The following XCL1 variants were observed in gnomAD, a reference collection of about 807,000 sequenced individuals.
XCL1 encodes the protein lymphotactin.
Under a neutral mutation model 7.4 loss-of-function variants are expected in XCL1, and 6 were observed. The ratio of observed to expected loss-of-function variants is 0.82; its 90% CI spans 0.45 to 1.61. XCL1 has a LOEUF of 1.61. XCL1 is among the 40% of genes most tolerant of loss of function. The probability of loss-of-function intolerance (pLI) is 0.01; values close to 1 mark genes in which losing one functional copy is unlikely to be tolerated. For missense variants in XCL1, 122 were observed against 138.2 expected (o/e 0.88, Z 0.59); for synonymous variants, 48 against 52.4 (o/e 0.92, Z 0.36).
intron 1 of XCL1, among the ~76,000 whole-genome samples, chr1:168,578,070 C>T (rs548895363): frequency 2.0e-5 from 3 of 152,306 alleles, no homozygotes; most frequent in Non-Finnish European, 4.4e-5. Flanking sequence ...ACTTCAGATA[C>T]TTCACAGAGA....
chr1:168,579,326 A>C (rs575949606), intron 1 of XCL1: 103 of 223,776 alleles, frequency 4.6e-4, no homozygotes, highest in African/African-American at 2.3e-3. Context: ...TGCCTAAGAA[A>C]ACTCTTAGGC....
chr1:168,577,760 A>G (rs780627104), intron 1 of XCL1, among the ~76,000 whole-genome samples: 1 of 152,164 alleles, frequency 6.6e-6, no homozygotes, highest in East Asian at 1.9e-4. Context: ...CAATGGGCAT[A>G]CCATTTGAGG....
At position 168,581,190 on chromosome 1, in the gene XCL1, G is replaced by A. The variant is rs745736835; in HGVS notation, c.315G>A (p.Ser105=). The A allele has an allele frequency of 2.4e-5, 39 of 1,613,560 alleles. No homozygotes were observed. In the East Asian group the frequency reaches 3.8e-4, roughly 16 times the overall value. ...CCAAGCCAACAGGAACCCAGCAATCGACCAATACAGCTGTGACTCTGACTG... is the reference window on the plus strand; with the variant it reads ...CCAAGCCAACAGGAACCCAGCAATCAACCAATACAGCTGTGACTCTGACTG... ...IQTKPTGTQQ[S]TNTAVTLTG Residue 105 remains serine, a synonymous_variant, in exon 3 of 3, where the codon TCG becomes TCA. Coordinates refer to ENST00000367818, the MANE Select transcript of XCL1 (RefSeq NM_002995.3).
In XCL1 at chr1:168,576,784, G is replaced by A. The variant is rs560518119; in HGVS notation, c.61+86G>A. 27 of 1,586,178 alleles carry A rather than the reference G, an allele frequency of 1.7e-5. No homozygotes were observed. In the African/African-American group the frequency reaches 2.2e-4, roughly 13 times the overall value. On this transcript the variant is annotated intron_variant, in intron 1 of 2. Transcript: ENST00000367818. ...TTTGGGTTTGACTCAGGTTATGACT[G>A]GACTAACCTGCTTTCCCCAGGGGAG...
Position 168,581,426 on chromosome 1 carries a change from A to G in XCL1, c.*206A>G, listed in dbSNP as rs1056571607. 1.3e-5 allele frequency: 7 copies of G among 530,314 alleles called. No individual in the cohort carries two copies. The African/African-American group carries it at 1.4e-4, about 11-fold the overall frequency. The allele number at this position is 530,314 out of a possible 1,614,324, so 32.9% of individuals were successfully genotyped here. On this transcript the variant is annotated 3_prime_UTR_variant, in exon 3 of 3. Coordinates refer to ENST00000367818, the MANE Select transcript of XCL1 (RefSeq NM_002995.3). ...TTAAGAATAGTTCCCTAGTCTATTC[A>G]TTATATTTAGGGAAAGGTAGTGTAT... is the stretch of plus-strand genomic sequence containing the variant.
Position 168,580,159 on chromosome 1 carries a change from G to C in XCL1, c.158G>C (p.Gly53Ala), listed in dbSNP as rs772431103. Reference sequence around the variant, plus strand: ...ATCAAGACCTACACCATCACGGAAGGCTCCTTGAGAGCAGTAATGTGAGTC... The same window carrying C: ...ATCAAGACCTACACCATCACGGAAGCCTCCTTGAGAGCAGTAATGTGAGTC... The part of the protein sequence containing the change: ...SRIKTYTITE[G>A]SLRAVIFITK... Residue 53 changes from glycine to alanine, a missense_variant, in exon 2 of 3, where the codon GGC becomes GCC. Gly to Ala is a moderately conservative substitution (Grantham distance 60). Transcript: ENST00000367818. 3.1e-6 allele frequency: 5 copies of C among 1,613,858 alleles called. No homozygotes were observed. The highest frequency in any genetic ancestry group is 4.2e-6 in the Non-Finnish European group (5 of 1,179,810).
rs1655155783 is a variant in XCL1, at chr1:168,581,103, G to T, written c.228G>T (p.Trp76Cys). Residue 76 changes from tryptophan to cysteine, a missense_variant, in exon 3 of 3, where the codon TGG becomes TGT. By Grantham distance (215) the Trp-to-Cys change is radical (BLOSUM62 -2). Coordinates refer to ENST00000367818, the MANE Select transcript of XCL1 (RefSeq NM_002995.3). ...LKVCADPQAT[W>C]VRDVVRSMDR... is the part of the protein sequence containing the mutation. ...TCTGTGCTGATCCACAAGCCACATG[G>T]GTGAGAGACGTGGTCAGGAGCATGG... The T allele has an allele frequency of 6.2e-7, 1 of 1,613,792 alleles. No homozygotes were observed. The highest frequency in any genetic ancestry group is 8.5e-7 in the Non-Finnish European group (1 of 1,179,782).
chr1:168,578,595 TA>T (rs1432424058), intron 1 of XCL1: 1 of 200,418 alleles, frequency 5.0e-6, no homozygotes, highest in Non-Finnish European at 9.9e-6. Context: ...TACCATTTAT[TA>T]ATTTTTTGGA....
Position 168,577,310 on chromosome 1 carries a change from C to T in XCL1, c.61+612C>T, listed in dbSNP as rs150678647. 6.8e-4 allele frequency among the ~76,000 whole-genome samples: 104 copies of T among 152,142 alleles called. 1 individual carries two copies. Among genetic ancestry groups the T allele is most frequent in the Non-Finnish European group, 9.0e-4 (61 of 68,008 alleles). ...AGAAAATCAATATTACCTTCAAGTA[C>T]GTGGGGGACTCTGTTAGTAATGCCA... On this transcript the variant is annotated intron_variant, in intron 1 of 2. Coordinates refer to ENST00000367818, the MANE Select transcript of XCL1 (RefSeq NM_002995.3).
chr1:168,579,902 C>T (rs180829784), intron 1 of XCL1, among the ~76,000 whole-genome samples, 161 bp from the exon 2 acceptor site: 155 of 152,252 alleles, frequency 1.0e-3, no homozygotes, highest in African/African-American at 3.3e-3. Context: ...GAATCTGTGA[C>T]GGGCAAGAGA....
In XCL1 at chr1:168,581,489, A is replaced by T. The variant is rs1376443784; in HGVS notation, c.*269A>T. ...ATTTCTGACCTTGTACCTCTCTTTGATGGTAACCATAATGGAAGAGATTCT... is the reference window on the plus strand; with the variant it reads ...ATTTCTGACCTTGTACCTCTCTTTGTTGGTAACCATAATGGAAGAGATTCT... On this transcript the variant is annotated 3_prime_UTR_variant, in exon 3 of 3. Transcript: ENST00000367818. 2 of 262,302 alleles carry T rather than the reference A, an allele frequency of 7.6e-6. No individual in the cohort carries two copies. The highest frequency in any genetic ancestry group is 1.0e-4 in the Admixed American group (2 of 20,008). 16.2% of individuals were successfully genotyped at this position (262,302 alleles called of 1,614,324 possible). A position where few individuals can be genotyped will look rare whatever the true frequency, so the allele number is the denominator to read the frequency against.
chr1:168,581,943 T>TA lies in XCL1; in HGVS notation c.*723_*724insA, dbSNP rs1278573868. The TA allele has an allele frequency of 6.6e-6, 1 of 152,240 alleles. No individual in the cohort carries two copies. The highest frequency in any genetic ancestry group is 1.5e-5 in the Non-Finnish European group (1 of 68,038). The allele number at this position is 152,240 out of a possible 1,614,324, so 9.4% of individuals were successfully genotyped here. A position where few individuals can be genotyped will look rare whatever the true frequency, so the allele number is the denominator to read the frequency against. On this transcript the variant is annotated 3_prime_UTR_variant, in exon 3 of 3. Transcript: ENST00000367818. ...ATTTCTGTATTTGCCATTACGCTAG[T>TA]TATCATGCATGTTATGCTTTACTGC...
rs201193121 is a variant in XCL1 at position 168,581,082 on chromosome 1, T to C, written c.207T>C (p.Cys69=). ...TTACCAAACGTGGCCTAAAAGTCTG[T>C]GCTGATCCACAAGCCACATGGGTGA... The part of the protein sequence containing the change: ...IFITKRGLKV[C]ADPQATWVRD... Residue 69 remains cysteine (C), a synonymous_variant, in exon 3 of 3, where the codon TGT becomes TGC. Coordinates refer to ENST00000367818, the MANE Select transcript of XCL1 (RefSeq NM_002995.3). The C allele has an allele frequency of 1.2e-6, 2 of 1,613,792 alleles. No homozygotes were observed. The highest frequency in any genetic ancestry group is 1.7e-6 in the Non-Finnish European group (2 of 1,179,758).
intron 2 of XCL1, 112 bp from the exon 3 acceptor site, chr1:168,580,940 T>A (rs1351133635): frequency 1.2e-5 from 17 of 1,395,664 alleles, no homozygotes; most frequent in Non-Finnish European, 1.5e-5. Flanking sequence ...GAAAGACTAT[T>A]TCTTGCAGTA....
chr1:168,577,679 A>G (rs929750829), intron 1 of XCL1, among the ~76,000 whole-genome samples: 10 of 152,202 alleles, frequency 6.6e-5, no homozygotes, highest in Non-Finnish European at 1.0e-4. Context: ...ACAAAAAAAT[A>G]CTGATGAAAC....
At chr1:168,581,025 T>C in intron 2 of XCL1, 27 bp from the exon 3 acceptor site, 1 of 1,610,404 alleles carries the variant, frequency 6.2e-7, no homozygotes, top group Middle Eastern at 1.7e-4. Flanking sequence ...TGTGGCTAAC[T>C]TCGTCTGTCT....
chr1:168,577,335 A>G (rs1042636880), intron 1 of XCL1, among the ~76,000 whole-genome samples: 1 of 152,186 alleles, frequency 6.6e-6, no homozygotes, highest in Non-Finnish European at 1.5e-5. Context: ...TAGTAATGCC[A>G]TGACTATTAC....
chr1:168,578,464 G>A (rs1414697246), intron 1 of XCL1, among the ~76,000 whole-genome samples: 2 of 152,092 alleles, frequency 1.3e-5, no homozygotes, highest in African/African-American at 2.4e-5. Context: ...ATTCTCCCAA[G>A]TTATTTTTCC....
chr1:168,580,582 C>A (rs1156268321), intron 2 of XCL1, among the ~76,000 whole-genome samples: 1 of 152,096 alleles, frequency 6.6e-6, no homozygotes, highest in African/African-American at 2.4e-5. Context: ...GAAAATGAGT[C>A]AATGCACAAC....
Sources: allele counts gnomAD v4.1 joint callset (sites outside exome capture counted in the v4.1 genomes callset), GRCh38; gene constraint gnomAD v4.1.1; transcripts MANE v1.5; gene names NCBI Gene and HGNC (gene_info 2026-07-23, HGNC 2026-07-21).